The following GSAP variants were observed in gnomAD, a reference collection of about 807,000 sequenced individuals.
GSAP encodes gamma-secretase activating protein.
In GSAP, 118 loss-of-function variants were observed where a neutral mutation model predicts 131.7. The observed-to-expected ratio is 0.90, with a 90% CI of 0.77 to 1.04. The LOEUF is 1.04. Among genes scored for constraint, GSAP ranks in the 50% least tolerant of loss-of-function variants. The probability of loss-of-function intolerance (pLI) is 0.00; values close to 1 mark genes in which losing one functional copy is unlikely to be tolerated. For synonymous variants in GSAP, 381 were observed against 363.4 expected, an observed-to-expected ratio of 1.05 and a Z score of -0.55; for missense variants, 1,019 against 1,013.2, an observed-to-expected ratio of 1.01 and a Z score of -0.08.
intron 16 of GSAP, among the ~76,000 whole-genome samples, 177 bp downstream of exon 16, chr7:77,355,036 G>C (rs1793446759): frequency 6.6e-6 from 1 of 152,194 alleles, no homozygotes; most frequent in East Asian, 1.9e-4. Context: ...CCCTGAGTGT[G>C]AGACCTGGTA....
intron 3 of GSAP, among the ~76,000 whole-genome samples, chr7:77,400,765 ACT>A (rs1322703229): frequency 1.3e-5 from 2 of 152,196 alleles, no homozygotes; most frequent in African/African-American, 4.8e-5. Flanking sequence ...AGGCACAAAC[ACT>A]GAGATAACAA....
At chr7:77,404,484 A>G (rs1300611688) in intron 3 of GSAP, 75 bp downstream of exon 3, 7 of 765,648 alleles carry the variant, frequency 9.1e-6, no homozygotes, top group Non-Finnish European at 1.6e-5. Context: ...GTTGGAATTT[A>G]TATCTAGAAA....
chr7:77,366,503 A>G (rs1239295925), intron 12 of GSAP, among the ~76,000 whole-genome samples: 1 of 151,972 alleles, frequency 6.6e-6, no homozygotes, highest in Non-Finnish European at 1.5e-5. Context: ...TCTTTTCCCC[A>G]TTGCTTTTGT....
intron 12 of GSAP, among the ~76,000 whole-genome samples, chr7:77,368,746 T>C (rs111668779): frequency 3.5e-4 from 54 of 152,332 alleles, no homozygotes; most frequent in African/African-American, 1.3e-3. Context: ...AATATAGAAC[T>C]TATTTCATAG....
intron 1 of GSAP, among the ~76,000 whole-genome samples, chr7:77,406,851 C>T (rs1802358929): frequency 6.6e-6 from 1 of 152,206 alleles, no homozygotes; most frequent in African/African-American, 2.4e-5. Context: ...AAAAGTATTT[C>T]ACTGGAGTAG....
rs150901605 is a variant in GSAP at position 77,385,936 on chromosome 7, G to A, written c.456+1424C>T. Among the ~76,000 whole-genome samples, 182 of 152,308 alleles carry A rather than the reference G, an allele frequency of 1.2e-3. 1 individual carries two copies. Among genetic ancestry groups the A allele is most frequent in the Non-Finnish European group, 2.2e-3 (149 of 68,020 alleles). On this transcript the variant is annotated intron_variant, in intron 6 of 30. Transcript: ENST00000257626. The stretch of plus-strand genomic sequence containing the variant: ...CCTGTAACAAAATGTGAAATTAGGC[G>A]AAAGGAAATTATGCTGTAGCACTGT...
At chr7:77,390,302 G>C (rs1182097049) in intron 5 of GSAP, among the ~76,000 whole-genome samples, 1 of 152,082 alleles carries the variant, frequency 6.6e-6, no homozygotes, top group East Asian at 1.9e-4. Context: ...GATCCCATTT[G>C]TCAATTTTGG....
At chr7:77,409,353 CACAAT>C (rs1802867360) in intron 1 of GSAP, among the ~76,000 whole-genome samples, 1 of 152,134 alleles carries the variant, frequency 6.6e-6, no homozygotes, top group African/African-American at 2.4e-5. Context: ...AGTAGGCCTT[CACAAT>C]TTAGAGAGTT....
chr7:77,357,150 T>C (rs1793874604), intron 14 of GSAP, among the ~76,000 whole-genome samples: 1 of 152,196 alleles, frequency 6.6e-6, no homozygotes, highest in Admixed American at 6.6e-5. Flanking sequence ...ATTTGGGTTG[T>C]TAACATCATT....
chr7:77,318,122 C>A (rs1787111408), intron 26 of GSAP, among the ~76,000 whole-genome samples: 2 of 152,200 alleles, frequency 1.3e-5, no homozygotes, highest in Admixed American at 1.3e-4. Context: ...CAAGAAGCAG[C>A]ATGGATTTTG....
At chr7:77,324,017 A>C (rs1009731411) in intron 23 of GSAP, among the ~76,000 whole-genome samples, 3 of 152,218 alleles carry the variant, frequency 2.0e-5, no homozygotes, top group Non-Finnish European at 4.4e-5. Context: ...CCTCCAAAGA[A>C]GACAGTGAAA....
intron 14 of GSAP, among the ~76,000 whole-genome samples, chr7:77,358,138 C>G (rs756496965): frequency 6.6e-6 from 1 of 152,036 alleles, no homozygotes; most frequent in African/African-American, 2.4e-5. Flanking sequence ...GTCAGGAGTT[C>G]GAGACCAGCC....
At chr7:77,386,232 G>A (rs1798546947) in intron 6 of GSAP, among the ~76,000 whole-genome samples, 1 of 152,114 alleles carries the variant, frequency 6.6e-6, no homozygotes, top group South Asian at 2.1e-4. Flanking sequence ...TATCTGAGAA[G>A]CAAAACACAA....
chr7:77,353,341 T>C (rs915841892), intron 17 of GSAP, among the ~76,000 whole-genome samples: 13 of 151,966 alleles, frequency 8.6e-5, no homozygotes, highest in African/African-American at 3.1e-4. Context: ...GGTTATAGAA[T>C]CAAGATCCTA....
chr7:77,321,152 ATACAT>A (rs1173832566), intron 25 of GSAP, among the ~76,000 whole-genome samples, 176 bp downstream of exon 25: 1 of 152,184 alleles, frequency 6.6e-6, no homozygotes, highest in Non-Finnish European at 1.5e-5. Context: ...AGCTTTTATT[ATACAT>A]TAAAGGGTAC....
At chr7:77,416,170 C>T in intron 1 of GSAP, 43 bp downstream of exon 1, 1 of 1,134,936 alleles carries the variant, frequency 8.8e-7, no homozygotes, top group Non-Finnish European at 1.2e-6. Flanking sequence ...TGAGGGACTC[C>T]CACTCCCCGC....
rs772984984 is a variant in GSAP at position 77,330,239 on chromosome 7, C to T, written c.1674G>A (p.Glu558=). 1.2e-6 allele frequency: 2 copies of T among 1,611,462 alleles called. No homozygotes were observed. Among genetic ancestry groups the T allele is most frequent in the South Asian group, 2.2e-5 (2 of 90,562 alleles). ...RREWHNLISE[E]KTGKRRSAAY... ...TTTGTTCTCACTGACCCACTCATACCTCTTCAGAGATCAGGTTGTGCCACT... is the reference window on the plus strand; with the variant it reads ...TTTGTTCTCACTGACCCACTCATACTTCTTCAGAGATCAGGTTGTGCCACT... The change falls in exon 20 of 31, where the codon GAG becomes GAA. Residue 558 remains glutamate (E), a splice_region_variant and synonymous_variant. Coordinates refer to ENST00000257626, the MANE Select transcript of GSAP (RefSeq NM_017439.4).
chr7:77,390,292 G>T (rs867668002), intron 5 of GSAP, among the ~76,000 whole-genome samples: 3 of 152,108 alleles, frequency 2.0e-5, no homozygotes, highest in Non-Finnish European at 2.9e-5. Context: ...AGTTTAATTA[G>T]ATCCCATTTG....
intron 1 of GSAP, among the ~76,000 whole-genome samples, chr7:77,409,090 G>A (rs1490676375): frequency 6.6e-6 from 1 of 152,200 alleles, no homozygotes; most frequent in African/African-American, 2.4e-5. Context: ...ATAAACGTTT[G>A]TCAGTATATT....
Sources: allele counts gnomAD v4.1 joint callset (sites outside exome capture counted in the v4.1 genomes callset), GRCh38; gene constraint gnomAD v4.1.1; transcripts MANE v1.5; gene names NCBI Gene and HGNC (gene_info 2026-07-23, HGNC 2026-07-21).